LRMDA: variants seen among roughly 807,000 people sequenced by gnomAD.
LRMDA encodes the protein leucine rich melanocyte differentiation associated, also known as leucine-rich melanocyte differentiation-associated protein.
In LRMDA, 18 loss-of-function variants were observed where a neutral mutation model predicts 29.8. The ratio of observed to expected loss-of-function variants is 0.60; its 90% CI spans 0.42 to 0.90. The LOEUF (loss-of-function observed/expected upper bound fraction) is 0.90. LRMDA is among the 40% of genes least tolerant of loss of function. The pLI is 0.00. For missense variants in LRMDA, 273 were observed against 273.9 expected, an observed-to-expected ratio of 1.00 and a Z score of 0.02; for synonymous variants, 125 against 109.4, an observed-to-expected ratio of 1.14 and a Z score of -0.89.
chr10:76,464,954 G>A (rs1842550110), intron 6 of LRMDA: 1 of 152,142 alleles, frequency 6.6e-6, no homozygotes, highest in South Asian at 2.1e-4. Flanking sequence ...TCTCCTCCCT[G>A]TTTCACTATG....
intron 5 of LRMDA, among the ~76,000 whole-genome samples, chr10:76,281,768 T>C (rs571593897): frequency 6.6e-6 from 1 of 152,334 alleles, no homozygotes; most frequent in East Asian, 1.9e-4. Context: ...CTATTGGACA[T>C]GTGCCAAGTG....
chr10:75,686,973 C>T (rs932102702), intron 2 of LRMDA, among the ~76,000 whole-genome samples: 2 of 152,086 alleles, frequency 1.3e-5, no homozygotes, highest in Non-Finnish European at 2.9e-5. Context: ...TTGTTTTGAC[C>T]ATGAACCTTA....
At chr10:76,228,507 G>T (rs2132269324) in intron 5 of LRMDA, among the ~76,000 whole-genome samples, 1 of 152,184 alleles carries the variant, frequency 6.6e-6, no homozygotes, top group African/African-American at 2.4e-5. Flanking sequence ...GACAGTTTGG[G>T]GTAAAGGGGT....
chr10:76,215,853 T>C (rs1241664244), intron 5 of LRMDA, among the ~76,000 whole-genome samples: 1 of 152,142 alleles, frequency 6.6e-6, no homozygotes, highest in Admixed American at 6.5e-5. Flanking sequence ...GAGGTTTATA[T>C]CACAGCACAA....
At chr10:76,293,920 A>C (rs1488415296) in intron 5 of LRMDA, among the ~76,000 whole-genome samples, 3 of 152,176 alleles carry the variant, frequency 2.0e-5, no homozygotes, top group Non-Finnish European at 4.4e-5. Context: ...GTTCACATTC[A>C]TATTCTCCAT....
chr10:75,850,695 C>T (rs768738155), intron 2 of LRMDA, among the ~76,000 whole-genome samples: 5 of 152,124 alleles, frequency 3.3e-5, no homozygotes, highest in Admixed American at 1.3e-4. Flanking sequence ...TCACTCGGTT[C>T]GGTTCCTGCC....
At chr10:75,994,157 A>G (rs1847419298) in intron 2 of LRMDA, among the ~76,000 whole-genome samples, 1 of 152,174 alleles carries the variant, frequency 6.6e-6, no homozygotes. Flanking sequence ...TCCCAGCAAT[A>G]TTTGTATTTT....
intron 2 of LRMDA, among the ~76,000 whole-genome samples, chr10:76,006,263 C>T (rs916133439): frequency 3.3e-5 from 5 of 152,120 alleles, no homozygotes; most frequent in East Asian, 1.9e-4. Context: ...GCTCCCTGTG[C>T]GGCGGCTGAG....
intron 2 of LRMDA, among the ~76,000 whole-genome samples, chr10:75,746,199 T>G (rs1175618947): frequency 1.3e-5 from 2 of 152,192 alleles, no homozygotes; most frequent in Non-Finnish European, 2.9e-5. Flanking sequence ...TTATATAGTG[T>G]AAATGCTCCA....
At chr10:75,647,726 T>C (rs1401275930) in intron 2 of LRMDA, 4 of 152,184 alleles carry the variant, frequency 2.6e-5, no homozygotes, top group Non-Finnish European at 5.9e-5. Context: ...ATAAAGGCAC[T>C]GACTTATCTC....
Position 75,739,516 on chromosome 10 carries a change from G to T in LRMDA, c.132-296492G>T, listed in dbSNP as rs150405938. On this transcript the variant is annotated intron_variant, in intron 2 of 6. Transcript: ENST00000611255. Reference sequence around the variant, plus strand: ...TGCAGAACAGGGTGCAAGAACCTGCGGAGAGAATGGCTACAGCTGTTCTTG... The same window carrying T: ...TGCAGAACAGGGTGCAAGAACCTGCTGAGAGAATGGCTACAGCTGTTCTTG... Among the ~76,000 whole-genome samples, 9 of 152,256 alleles carry T rather than the reference G, an allele frequency of 5.9e-5. No homozygotes were observed. In the East Asian group the frequency reaches 1.7e-3, roughly 29 times the overall value.
intron 2 of LRMDA, among the ~76,000 whole-genome samples, chr10:75,886,346 G>A (rs1050343495): frequency 1.3e-5 from 2 of 152,142 alleles, no homozygotes; most frequent in Non-Finnish European, 1.5e-5. Flanking sequence ...TGCACATGGT[G>A]TATACTGCAC....
At position 76,324,575 on chromosome 10, in the gene LRMDA, C is replaced by T. The variant is rs530880397; in HGVS notation, c.601+90C>T. The T allele has an allele frequency of 2.4e-5, 28 of 1,146,344 alleles. No individual in the cohort carries two copies. In the East Asian group the frequency reaches 3.5e-4, roughly 14 times the overall value. The allele number at this position is 1,146,344 out of a possible 1,614,324, so 71.0% of individuals were successfully genotyped here. ...CTGGCTCATTACTGCTGCCTCGGCACTTTAGAAAGAACACAGTGCTTTTTA... is the reference window on the plus strand; with the variant it reads ...CTGGCTCATTACTGCTGCCTCGGCATTTTAGAAAGAACACAGTGCTTTTTA... On this transcript the variant is annotated intron_variant, in intron 6 of 6. Coordinates refer to ENST00000611255, the MANE Select transcript of LRMDA (RefSeq NM_001305581.2).
At chr10:75,892,257 A>T (rs1406810878) in intron 2 of LRMDA, among the ~76,000 whole-genome samples, 1 of 152,194 alleles carries the variant, frequency 6.6e-6, no homozygotes, top group Non-Finnish European at 1.5e-5. Flanking sequence ...TGGACCCTTC[A>T]GCTTCTGCCT....
intron 6 of LRMDA, among the ~76,000 whole-genome samples, chr10:76,487,547 A>G (rs1842794395): frequency 6.6e-6 from 1 of 151,872 alleles, no homozygotes; most frequent in Admixed American, 6.6e-5. Flanking sequence ...AGATGATTTA[A>G]TTAGACTGGA....
intron 6 of LRMDA, among the ~76,000 whole-genome samples, chr10:76,515,538 C>A (rs1843051517): frequency 6.6e-6 from 1 of 152,064 alleles, no homozygotes; most frequent in South Asian, 2.1e-4. Context: ...CAGGGTTTCA[C>A]TCTGTCACCC....
chr10:76,326,979 C>A (rs1250153370), intron 6 of LRMDA, among the ~76,000 whole-genome samples: 2 of 151,930 alleles, frequency 1.3e-5, no homozygotes, highest in Non-Finnish European at 1.5e-5. Context: ...TTGTTTCTAT[C>A]TTCTAGGTGC....
chr10:75,493,171 G>C (rs1047267918), intron 2 of LRMDA, among the ~76,000 whole-genome samples: 1 of 151,874 alleles, frequency 6.6e-6, no homozygotes, highest in Admixed American at 6.6e-5. Flanking sequence ...GATTAATAAT[G>C]GACAGCAATT....
intron 5 of LRMDA, among the ~76,000 whole-genome samples, chr10:76,199,705 G>A (rs1851393319): frequency 6.6e-6 from 1 of 152,090 alleles, no homozygotes; most frequent in South Asian, 2.1e-4. Flanking sequence ...TAATAAAATT[G>A]AAATAGTGCT....
Sources: allele counts gnomAD v4.1 joint callset (sites outside exome capture counted in the v4.1 genomes callset), GRCh38; gene constraint gnomAD v4.1.1; transcripts MANE v1.5; gene names NCBI Gene and HGNC (gene_info 2026-07-23, HGNC 2026-07-21).